BCL3: variants seen among roughly 807,000 people sequenced by gnomAD.
BCL3 encodes the protein B-cell lymphoma 3 protein.
In BCL3, 15 loss-of-function variants were observed where a neutral mutation model predicts 35.7. The observed-to-expected ratio is 0.42, with a 90% CI of 0.28 to 0.65. BCL3 has a LOEUF of 0.65. Ranked by LOEUF, BCL3 falls within the 30% of genes least tolerant of loss-of-function variation. The probability of loss-of-function intolerance (pLI) is 0.22; values close to 1 mark genes in which losing one functional copy is unlikely to be tolerated. For missense variants in BCL3, 565 were observed against 641.7 expected (o/e 0.88, Z 1.29); for synonymous variants, 311 against 284.3 (o/e 1.09, Z -0.95).
intron 2 of BCL3, among the ~76,000 whole-genome samples, chr19:44,751,660 GGC>G (rs560009797): frequency 1.3e-5 from 2 of 152,164 alleles, no homozygotes; most frequent in Non-Finnish European, 2.9e-5. Flanking sequence ...GGAGTGCAGT[GGC>G]ACGATCTCAG....
chr19:44,752,320 C>T (rs1026851018), intron 2 of BCL3, among the ~76,000 whole-genome samples: 2 of 151,768 alleles, frequency 1.3e-5, no homozygotes, highest in Non-Finnish European at 1.5e-5. Context: ...CCCACCTCAG[C>T]CTCCTGAGTA....
At chr19:44,748,589 C>A (rs1489495730), upstream of BCL3, 4 of 490,064 alleles carry the variant, frequency 8.2e-6, no homozygotes, top group Non-Finnish European at 1.1e-5. Context: ...GCGGCGGGAG[C>A]AGCGGCGGGT....
At chr19:44,759,354 A>C in intron 8 of BCL3, 74 bp from the exon 9 acceptor site, 1 of 957,984 alleles carries the variant, frequency 1.0e-6, no homozygotes, top group Non-Finnish European at 1.4e-6. Context: ...TCAGACCCAG[A>C]TCTCAGGCCC....
chr19:44,748,247 A>T, upstream of BCL3: 1 of 438,036 alleles, frequency 2.3e-6, no homozygotes, highest in Non-Finnish European at 4.0e-6. Flanking sequence ...GAGACAAAAG[A>T]GAGAGACAGA....
upstream of BCL3, chr19:44,747,867 G>A: frequency 8.8e-7 from 1 of 1,141,600 alleles, no homozygotes; most frequent in Non-Finnish European, 1.1e-6. Flanking sequence ...CCGGTGCCCC[G>A]CGGGCCCCGG....
Position 44,757,864 on chromosome 19 carries a change from C to T in BCL3, c.891+141C>T. ...GCGTCCAGCTCTGATCCTTTAAGGC[C>T]TAGTTTTCTCGACCCTCGGGCTCCA... On this transcript the variant is annotated intron_variant, in intron 6 of 8. Coordinates refer to ENST00000164227, the MANE Select transcript of BCL3 (RefSeq NM_005178.5). This position sits in a 1 kb window ranked among gnomAD's most constrained non-coding sequence, Gnocchi z 8.4. The T allele has an allele frequency of 2.5e-6, 2 of 811,214 alleles. No homozygotes were observed. The highest frequency in any genetic ancestry group is 3.9e-6 in the Non-Finnish European group (2 of 519,300). 50.3% of individuals were successfully genotyped at this position (811,214 alleles called of 1,614,324 possible). A position where few individuals can be genotyped will look rare whatever the true frequency, so the allele number is the denominator to read the frequency against.
Position 44,749,024 on chromosome 19 carries a change from G to T in BCL3, c.234G>T (p.Arg78=). 1.5e-6 allele frequency: 2 copies of T among 1,361,700 alleles called. No homozygotes were observed. The highest frequency in any genetic ancestry group is 9.4e-7 in the Non-Finnish European group (1 of 1,059,558). The allele number at this position is 1,361,700 out of a possible 1,614,324, so 84.4% of individuals were successfully genotyped here. The part of the protein sequence containing the change: ...AVPGPPHGLA[R]PEALYYPGAL... ...CCGGGCCCCCCCACGGCCTGGCCCGGCCGGAGGCGCTTTACTACCCCGGTG... is the reference window on the plus strand; with the variant it reads ...CCGGGCCCCCCCACGGCCTGGCCCGTCCGGAGGCGCTTTACTACCCCGGTG... The change falls in exon 1 of 9, where the codon CGG becomes CGT. Residue 78 remains arginine, a synonymous_variant. Transcript: ENST00000164227.
At chr19:44,758,500 G>T in intron 7 of BCL3, 87 bp downstream of exon 7, 1 of 1,477,574 alleles carries the variant, frequency 6.8e-7, no homozygotes. Context: ...GCAGAGGAGT[G>T]AGGGTGTCTG....
Position 44,759,660 on chromosome 19 carries a change from CT to C in BCL3, c.*46del, listed in dbSNP as rs749631074. ...CTTGGACTCATGAGGAGGGGCCCCCCTGCCCTGTGGGGTCAACCCTTCTGGA... is the reference window on the plus strand; with the variant it reads ...CTTGGACTCATGAGGAGGGGCCCCCCGCCCTGTGGGGTCAACCCTTCTGGA... On this transcript the variant is annotated 3_prime_UTR_variant, in exon 9 of 9. Transcript: ENST00000164227. 6.7e-7 allele frequency: 1 copy of C among 1,482,314 alleles called. No homozygotes were observed. The allele number at this position is 1,482,314 out of a possible 1,614,324, so 91.8% of individuals were successfully genotyped here. A position where few individuals can be genotyped will look rare whatever the true frequency, so the allele number is the denominator to read the frequency against.
Position 44,752,986 on chromosome 19 carries a change from A to G in BCL3, c.410+1606A>G, listed in dbSNP as rs74907614. 3.0e-3 allele frequency among the ~76,000 whole-genome samples: 454 copies of G among 152,314 alleles called. 6 individuals are homozygous for G. In the East Asian group the frequency reaches 0.054, roughly 18 times the overall value. ...CGCCACTGGCCCACTGAGTGATTTCATGTCCCTGAGTCTCAGTTTCCCTAT... is the reference window on the plus strand; with the variant it reads ...CGCCACTGGCCCACTGAGTGATTTCGTGTCCCTGAGTCTCAGTTTCCCTAT... On this transcript the variant is annotated intron_variant, in intron 2 of 8. Coordinates refer to ENST00000164227, the MANE Select transcript of BCL3 (RefSeq NM_005178.5).
intron 8 of BCL3, 101 bp from the exon 9 acceptor site, chr19:44,759,327 C>T (rs1967374421): frequency 8.0e-6 from 7 of 875,542 alleles, no homozygotes; most frequent in Non-Finnish European, 9.0e-6. Flanking sequence ...GAGTCCAGAC[C>T]CCCAGCCCCT....
Position 44,756,485 on chromosome 19 carries a change from G to C in BCL3, c.519+145G>C. The C allele has an allele frequency of 8.8e-6, 5 of 567,064 alleles. No individual in the cohort carries two copies. In the South Asian group the frequency reaches 1.8e-4, roughly 21 times the overall value. 35.1% of individuals were successfully genotyped at this position (567,064 alleles called of 1,614,324 possible). Reference sequence around the variant, plus strand: ...CTGAGGGAGGAGGGACTGGTGCCTGGACTCCTGGGTCTGATGGAGGAGGGC... The same window carrying C: ...CTGAGGGAGGAGGGACTGGTGCCTGCACTCCTGGGTCTGATGGAGGAGGGC... On this transcript the variant is annotated intron_variant, in intron 3 of 8. Coordinates refer to ENST00000164227, the MANE Select transcript of BCL3 (RefSeq NM_005178.5).
chr19:44,748,898 G>T lies in BCL3; in HGVS notation c.108G>T (p.Pro36=). ...PGAALPLRKR[P]LRAPSPEPAA... ...CCGCGCTGCCGCTCCGCAAGCGCCCGCTGCGCGCGCCCTCCCCGGAGCCCG... is the reference window on the plus strand; with the variant it reads ...CCGCGCTGCCGCTCCGCAAGCGCCCTCTGCGCGCGCCCTCCCCGGAGCCCG... The change falls in exon 1 of 9, where the codon CCG becomes CCT. Residue 36 remains proline (P), a synonymous_variant. Coordinates refer to ENST00000164227, the MANE Select transcript of BCL3 (RefSeq NM_005178.5). 1 of 1,134,782 alleles carries T rather than the reference G, an allele frequency of 8.8e-7. No homozygotes were observed. 70.3% of individuals were successfully genotyped at this position (1,134,782 alleles called of 1,614,324 possible). A position where few individuals can be genotyped will look rare whatever the true frequency, so the allele number is the denominator to read the frequency against.
intron 7 of BCL3, 45 bp downstream of exon 7, chr19:44,758,458 C>G: frequency 6.6e-7 from 1 of 1,514,390 alleles, no homozygotes; most frequent in Non-Finnish European, 8.9e-7. Flanking sequence ...CACGTGTGTC[C>G]GCGGGCTGGT....
In BCL3 at chr19:44,757,681, C is replaced by G. The variant is rs774043400; in HGVS notation, c.849C>G (p.Ala283=). 6 of 1,613,788 alleles carry G rather than the reference C, an allele frequency of 3.7e-6. No individual in the cohort carries two copies. In the African/African-American group the frequency reaches 4.0e-5, roughly 11 times the overall value. Residue 283 remains alanine (A), a synonymous_variant, in exon 6 of 9, where the codon GCC becomes GCG. Transcript: ENST00000164227. This position sits in a 1 kb window ranked among gnomAD's most constrained non-coding sequence, Gnocchi z 8.4. ...IKSGRSPLIH[A]VENNSLSMVQ... Reference sequence around the variant, plus strand: ...GCGGCCGCTCCCCGCTCATCCACGCCGTGGAAAACAACAGCCTTAGCATGG... The same window carrying G: ...GCGGCCGCTCCCCGCTCATCCACGCGGTGGAAAACAACAGCCTTAGCATGG...
chr19:44,758,157 G>A, intron 6 of BCL3, 89 bp from the exon 7 acceptor site: 1 of 1,328,488 alleles, frequency 7.5e-7, no homozygotes, highest in Non-Finnish European at 9.8e-7. Flanking sequence ...GCCGCCCCAC[G>A]TGCCGGCCAC....
At chr19:44,752,687 G>A (rs1967204338) in intron 2 of BCL3, among the ~76,000 whole-genome samples, 2 of 152,170 alleles carry the variant, frequency 1.3e-5, no homozygotes, top group Non-Finnish European at 1.5e-5. Flanking sequence ...TTTGGTCTGT[G>A]CCTAGCACAT....
chr19:44,754,701 G>A (rs533584578), intron 2 of BCL3, among the ~76,000 whole-genome samples: 22 of 149,176 alleles, frequency 1.5e-4, no homozygotes, highest in Middle Eastern at 3.5e-3. Context: ...ATGCAGAGAA[G>A]GGGGGACCCT....
At position 44,758,838 on chromosome 19, in the gene BCL3, A is replaced by G. The variant is rs1967355929; in HGVS notation, c.1174A>G (p.Asn392Asp). 2 of 1,591,360 alleles carry G rather than the reference A, an allele frequency of 1.3e-6. No individual in the cohort carries two copies. The highest frequency in any genetic ancestry group is 1.4e-5 in the African/African-American group (1 of 73,844). The change falls in exon 8 of 9, where the codon AAT becomes GAT. Residue 392 changes from asparagine to aspartate, a missense_variant. This residue lies in a region of BCL3 where 151 missense variants were observed against 138.1 expected (regional missense o/e 1.09). Transcript: ENST00000164227. ...SPESSSRLSSNGLLSASPSSS... is the reference protein window; with the variant it reads ...SPESSSRLSSDGLLSASPSSS... ...CGAGAGCAGCAGCCGCCTCAGCTCC[A>G]ATGGTGAGAAACCGTTCCCAACCTC...
Sources: gnomAD v4.1 joint callset for allele counts (sites outside exome capture counted in the v4.1 genomes callset) on GRCh38, gnomAD v4.1.1 for gene constraint, gnomAD v4.1.1 regional missense constraint, Gnocchi (gnomAD v3.1) non-coding constraint, MANE v1.5 for transcripts, NCBI Gene and HGNC (gene_info 2026-07-23, HGNC 2026-07-21) for gene names.